CDK15: variants seen among roughly 807,000 people sequenced by gnomAD.
The protein encoded by CDK15 is cyclin-dependent kinase 15.
A neutral mutation model predicts 60.3 loss-of-function variants in CDK15; 62 were observed. The ratio of observed to expected loss-of-function variants is 1.03; its 90% CI spans 0.84 to 1.27. CDK15 has a LOEUF of 1.27. Ranked by LOEUF, CDK15 falls within the 50% of genes most tolerant of loss-of-function variation. The probability of loss-of-function intolerance (pLI) is 0.00; values close to 1 mark genes in which losing one functional copy is unlikely to be tolerated. For missense variants in CDK15, 541 were observed against 527.8 expected (o/e 1.03, Z -0.25); for synonymous variants, 194 against 195.7 (o/e 0.99, Z 0.07).
At chr2:201,827,581 G>C (rs1696564505) in intron 6 of CDK15, among the ~76,000 whole-genome samples, 2 of 152,314 alleles carry the variant, frequency 1.3e-5, no homozygotes, top group South Asian at 4.1e-4. Flanking sequence ...GGAAATAAGA[G>C]ACTAGAGTCA....
At chr2:201,861,551 G>GTTTTTTTTTTTTTTTTT (rs538808229) in intron 10 of CDK15, 7 of 627,214 alleles carry the variant, frequency 1.1e-5, no homozygotes, top group Admixed American at 8.0e-5. Flanking sequence ...TTGTTGGTTT[G>GTTTTTTTTTTTTTTTTT]TTTTTTTTTT....
intron 11 of CDK15, among the ~76,000 whole-genome samples, chr2:201,879,809 TGAG>T (rs1287368074): frequency 6.6e-6 from 1 of 152,200 alleles, no homozygotes; most frequent in African/African-American, 2.4e-5. Flanking sequence ...AGTGATAGAA[TGAG>T]GAGATTTTTC....
At chr2:201,819,385 C>T (rs563398354) in intron 4 of CDK15, among the ~76,000 whole-genome samples, 23 of 152,142 alleles carry the variant, frequency 1.5e-4, no homozygotes, top group Non-Finnish European at 2.5e-4. Flanking sequence ...AGGCTAAAGC[C>T]AAGTGAGCAA....
chr2:201,849,920 G>T (rs1231091679), intron 9 of CDK15, among the ~76,000 whole-genome samples: 5 of 152,128 alleles, frequency 3.3e-5, no homozygotes, highest in African/African-American at 9.7e-5. Context: ...CACCTCCCCA[G>T]TTCAAGCGAT....
At chr2:201,857,386 TTTTTC>T (rs1698191773) in intron 10 of CDK15, among the ~76,000 whole-genome samples, 1 of 152,014 alleles carries the variant, frequency 6.6e-6, no homozygotes, top group Non-Finnish European at 1.5e-5. Context: ...TCATCCATTG[TTTTTC>T]TTTTAAGTTT....
intron 4 of CDK15, among the ~76,000 whole-genome samples, chr2:201,822,081 A>G (rs1035630277): frequency 4.6e-5 from 7 of 152,138 alleles, no homozygotes; most frequent in Non-Finnish European, 7.3e-5. Flanking sequence ...AACCCCTCCC[A>G]GTCACTTGGC....
chr2:201,861,346 G>A, intron 10 of CDK15: 1 of 988,436 alleles, frequency 1.0e-6, no homozygotes, highest in Non-Finnish European at 1.2e-6. Context: ...CTTTCTCCTA[G>A]GCTCACAGAG....
intron 10 of CDK15, among the ~76,000 whole-genome samples, chr2:201,858,090 T>A (rs892875493): frequency 6.6e-6 from 1 of 152,300 alleles, no homozygotes; most frequent in South Asian, 2.1e-4. Flanking sequence ...CCAGTGTCCA[T>A]CTACACCCAT....
intron 8 of CDK15, among the ~76,000 whole-genome samples, chr2:201,844,469 A>G (rs1697551411): frequency 6.6e-6 from 1 of 152,176 alleles, no homozygotes; most frequent in South Asian, 2.1e-4. Flanking sequence ...CACCCTTAGT[A>G]TCTCTTGTTT....
rs754267888 is a variant in CDK15, at chr2:201,807,926, T to C, written c.342T>C (p.Tyr114=). 3 of 1,614,142 alleles carry C rather than the reference T, an allele frequency of 1.9e-6. No homozygotes were observed. The highest frequency in any genetic ancestry group is 2.5e-6 in the Non-Finnish European group (3 of 1,180,024). The change falls in exon 3 of 14, where the codon TAT becomes TAC. Residue 114 remains tyrosine (Y), a synonymous_variant. Transcript: ENST00000652192. ...LNLEKLGEGS[Y]ATVYKGISRI... Reference sequence around the variant, plus strand: ...TGGAGAAGCTGGGTGAAGGCTCTTATGCGACAGTTTACAAGGGGATTAGCA... The same window carrying C: ...TGGAGAAGCTGGGTGAAGGCTCTTACGCGACAGTTTACAAGGGGATTAGCA...
At chr2:201,888,290 A>T (rs1481423214) in intron 12 of CDK15, among the ~76,000 whole-genome samples, 2 of 152,170 alleles carry the variant, frequency 1.3e-5, no homozygotes, top group African/African-American at 4.8e-5. Flanking sequence ...TGAGCTTAGG[A>T]ACTCAATTAG....
chr2:201,839,042 G>C (rs560568763), intron 8 of CDK15, among the ~76,000 whole-genome samples: 2 of 152,064 alleles, frequency 1.3e-5, no homozygotes, highest in African/African-American at 2.4e-5. Context: ...CCAGGTTCAC[G>C]CCATTCTCCT....
At chr2:201,833,710 CTTCTTCTT>C in intron 6 of CDK15, 130 bp from the exon 7 acceptor site, 1 of 617,472 alleles carries the variant, frequency 1.6e-6, no homozygotes, top group Non-Finnish European at 2.4e-6. Flanking sequence ...TCTTCTTCTT[CTTCTTCTT>C]TTTTTTTTTT....
In CDK15 at chr2:201,886,450, C is replaced by T. The variant is rs145163938; in HGVS notation, c.1199-4335C>T. ...AAGAAATTCTCCCGCCTCAGCCTCCCGAGTAGCTGGGATTACCTGCCTGTG... is the reference window on the plus strand; with the variant it reads ...AAGAAATTCTCCCGCCTCAGCCTCCTGAGTAGCTGGGATTACCTGCCTGTG... On this transcript the variant is annotated intron_variant, in intron 12 of 13. Transcript: ENST00000652192. Among the ~76,000 whole-genome samples, 965 of 152,048 alleles carry T rather than the reference C, an allele frequency of 6.3e-3. 5 individuals are homozygous for T. The highest frequency in any genetic ancestry group is 0.022 in the African/African-American group (915 of 41,472).
chr2:201,832,408 G>A (rs1696796658), intron 6 of CDK15, among the ~76,000 whole-genome samples: 1 of 152,076 alleles, frequency 6.6e-6, no homozygotes, highest in South Asian at 2.1e-4. Context: ...AATTTAAGCT[G>A]GTTGTTTGTA....
At chr2:201,881,674 G>A (rs1699282581) in intron 12 of CDK15, among the ~76,000 whole-genome samples, 1 of 152,082 alleles carries the variant, frequency 6.6e-6, no homozygotes, top group African/African-American at 2.4e-5. Flanking sequence ...GAGGAGAGAG[G>A]CATATGGGTG....
At chr2:201,861,966 T>C (rs542554663) in intron 10 of CDK15, among the ~76,000 whole-genome samples, 24 of 152,328 alleles carry the variant, frequency 1.6e-4, no homozygotes, top group South Asian at 6.2e-4. Context: ...CTTAGAAATA[T>C]TGGCTTTCTT....
rs1363564693 is a variant in CDK15, at chr2:201,882,494, A to G, written c.1198+2327A>G. On this transcript the variant is annotated intron_variant, in intron 12 of 13. Transcript: ENST00000652192. The surrounding 1 kb of genome is among the most constrained non-coding windows in gnomAD (Gnocchi z 4.0). ...ATTCTCCTGGCTTCCTCCCAATTAA[A>G]TGAGGTTTGTCAAAGCCACAGGGCT... 2.0e-5 allele frequency among the ~76,000 whole-genome samples: 3 copies of G among 152,090 alleles called. No individual in the cohort carries two copies. The highest frequency in any genetic ancestry group is 2.9e-5 in the Non-Finnish European group (2 of 68,004).
Position 201,872,295 on chromosome 2 carries a change from AC to A in CDK15, c.1028del (p.Thr343SerfsTer26). Reference sequence around the variant, plus strand: ...CTTCCCAGAATGGTTCCCACTGCCTACGCCTCGAAGCCTTCATGTTGTCTGG... The same window carrying A: ...CTTCCCAGAATGGTTCCCACTGCCTAGCCTCGAAGCCTTCATGTTGTCTGG... ...NYNPEWFPLP[T>X]PRSLHVVWNR... On this transcript the variant is annotated frameshift_variant, in exon 11 of 14. Transcript: ENST00000652192. LOFTEE classifies it high-confidence loss of function. 6.2e-7 allele frequency: 1 copy of A among 1,614,078 alleles called. No individual in the cohort carries two copies. Among genetic ancestry groups the A allele is most frequent in the Non-Finnish European group, 8.5e-7 (1 of 1,180,000 alleles).
Sources: gnomAD v4.1 joint callset for allele counts (sites outside exome capture counted in the v4.1 genomes callset) on GRCh38, gnomAD v4.1.1 for gene constraint, Gnocchi (gnomAD v3.1) non-coding constraint, MANE v1.5 for transcripts, NCBI Gene and HGNC (gene_info 2026-07-23, HGNC 2026-07-21) for gene names.